KCNT2: variants seen among roughly 807,000 people sequenced by gnomAD.
KCNT2 encodes potassium sodium-activated channel subfamily T member 2.
KCNT2 carries 67 observed loss-of-function variants against 153.8 expected under a neutral mutation model. The observed-to-expected ratio is 0.44, with a 90% confidence interval of 0.36 to 0.53. The LOEUF is 0.53. KCNT2 is among the 20% of genes least tolerant of loss of function. The pLI is 0.00. For synonymous variants in KCNT2, 500 were observed against 458.8 expected, an observed-to-expected ratio of 1.09 and a Z score of -1.15; for missense variants, 975 against 1,354.8, an observed-to-expected ratio of 0.72 and a Z score of 4.40.
At chr1:196,275,833 A>G (rs1191279501) in intron 25 of KCNT2, among the ~76,000 whole-genome samples, 1 of 152,062 alleles carries the variant, frequency 6.6e-6, no homozygotes, top group Non-Finnish European at 1.5e-5. Context: ...AAATGTGTAT[A>G]TACTAAAGAA....
intron 8 of KCNT2, among the ~76,000 whole-genome samples, chr1:196,442,840 T>C (rs1675362528): frequency 6.6e-6 from 1 of 151,780 alleles, no homozygotes; most frequent in Non-Finnish European, 1.5e-5. Context: ...TGGAATATTT[T>C]AACAAGTATT....
chr1:196,348,250 G>T (rs777851073), intron 14 of KCNT2, among the ~76,000 whole-genome samples: 5 of 150,884 alleles, frequency 3.3e-5, no homozygotes, highest in Admixed American at 3.3e-4. Context: ...TGGACATGAA[G>T]TGAATTTAAT....
chr1:196,550,680 G>A (rs560326105), intron 1 of KCNT2, among the ~76,000 whole-genome samples: 3 of 151,878 alleles, frequency 2.0e-5, no homozygotes, highest in South Asian at 4.1e-4. Flanking sequence ...TCAGCCAGCA[G>A]ACACCAGAAA....
intron 1 of KCNT2, among the ~76,000 whole-genome samples, chr1:196,511,912 C>T (rs568423586): frequency 8.5e-5 from 13 of 152,202 alleles, no homozygotes; most frequent in Admixed American, 2.6e-4. Context: ...TAAATGTCAG[C>T]GGGTGGAGAG....
chr1:196,340,244 C>A, intron 16 of KCNT2, 97 bp downstream of exon 16: 2 of 772,876 alleles, frequency 2.6e-6, no homozygotes, highest in Non-Finnish European at 4.0e-6. Context: ...TTGAAATTTT[C>A]TTTAAACTTT....
chr1:196,425,346 C>G (rs1476617077), intron 11 of KCNT2, among the ~76,000 whole-genome samples: 1 of 151,968 alleles, frequency 6.6e-6, no homozygotes, highest in Non-Finnish European at 1.5e-5. Context: ...TCTGATTCCT[C>G]TAGTCCATGG....
chr1:196,250,725 T>C (rs981111277), intron 26 of KCNT2, among the ~76,000 whole-genome samples: 1 of 152,030 alleles, frequency 6.6e-6, no homozygotes, highest in African/African-American at 2.4e-5. Context: ...ACTGTGTATC[T>C]GACAAGTGAT....
At position 196,320,087 on chromosome 1, in the gene KCNT2, G is replaced by T. The variant is rs572747758; in HGVS notation, c.2277-532C>A. Among the ~76,000 whole-genome samples the T allele has an allele frequency of 2.3e-3, 349 of 151,574 alleles. 1 individual carries two copies. Among genetic ancestry groups the T allele is most frequent in the African/African-American group, 7.7e-3 (319 of 41,406 alleles). On this transcript the variant is annotated intron_variant, in intron 19 of 27. Coordinates refer to ENST00000294725, the MANE Select transcript of KCNT2 (RefSeq NM_198503.5). ...TAGTATATATGCTCATGCAAAATAT[G>T]TATTATATAAAATTATAGTGAAAGT...
At chr1:196,293,785 A>G (rs1328405747) in intron 22 of KCNT2, among the ~76,000 whole-genome samples, 1 of 152,052 alleles carries the variant, frequency 6.6e-6, no homozygotes, top group African/African-American at 2.4e-5. Flanking sequence ...ATTGTCTAGG[A>G]ACCCAAAAGC....
At chr1:196,389,716 C>T (rs1670305670) in intron 13 of KCNT2, among the ~76,000 whole-genome samples, 1 of 151,566 alleles carries the variant, frequency 6.6e-6, no homozygotes, top group South Asian at 2.1e-4. Flanking sequence ...GGAATCATTA[C>T]CCACAGAAAC....
At chr1:196,540,851 G>T (rs1656258951) in intron 1 of KCNT2, among the ~76,000 whole-genome samples, 2 of 152,106 alleles carry the variant, frequency 1.3e-5, no homozygotes, top group Non-Finnish European at 2.9e-5. Context: ...TGGATCATAA[G>T]GTCAGGAGAT....
At chr1:196,470,679 A>G (rs1224370971) in intron 5 of KCNT2, among the ~76,000 whole-genome samples, 2 of 152,114 alleles carry the variant, frequency 1.3e-5, no homozygotes, top group Admixed American at 1.3e-4. Context: ...GGCAACTTCA[A>G]CCCAGAAACT....
chr1:196,463,960 G>A (rs2148657779), intron 8 of KCNT2, among the ~76,000 whole-genome samples: 1 of 151,760 alleles, frequency 6.6e-6, no homozygotes, highest in East Asian at 1.9e-4. Context: ...ATTATCCTTT[G>A]TCTAAATTTA....
At chr1:196,456,038 A>G (rs1445928613) in intron 8 of KCNT2, among the ~76,000 whole-genome samples, 3 of 152,030 alleles carry the variant, frequency 2.0e-5, no homozygotes, top group Admixed American at 6.6e-5. Context: ...TCCTCACTCT[A>G]GTAACTTTAT....
intron 1 of KCNT2, among the ~76,000 whole-genome samples, chr1:196,513,872 A>T (rs1201325401): frequency 6.6e-6 from 1 of 152,242 alleles, no homozygotes; most frequent in Admixed American, 6.5e-5. Context: ...AATTCTAAAA[A>T]TATTTCTGTA....
At chr1:196,407,434 C>A (rs1293472845) in intron 12 of KCNT2, among the ~76,000 whole-genome samples, 1 of 151,366 alleles carries the variant, frequency 6.6e-6, no homozygotes, top group East Asian at 2.0e-4. Context: ...GTTTAAAATT[C>A]TGTGATTTTT....
At chr1:196,246,654 C>T (rs1464817319) in intron 26 of KCNT2, among the ~76,000 whole-genome samples, 1 of 151,996 alleles carries the variant, frequency 6.6e-6, no homozygotes, top group African/African-American at 2.4e-5. Context: ...GTTTTGGTTA[C>T]TTTTCTCTTT....
At chr1:196,475,727 A>T (rs1678475308) in intron 5 of KCNT2, among the ~76,000 whole-genome samples, 1 of 152,190 alleles carries the variant, frequency 6.6e-6, no homozygotes, top group Admixed American at 6.5e-5. Flanking sequence ...TAAAAAAATT[A>T]TCAAACACTC....
chr1:196,545,986 C>T (rs760766522), intron 1 of KCNT2, among the ~76,000 whole-genome samples: 6 of 151,974 alleles, frequency 3.9e-5, no homozygotes, highest in South Asian at 4.1e-4. Flanking sequence ...TAAATATTAA[C>T]GTACAAGCCT....
Sources: allele counts gnomAD v4.1 joint callset (sites outside exome capture counted in the v4.1 genomes callset), GRCh38; gene constraint gnomAD v4.1.1; transcripts MANE v1.5; gene names NCBI Gene and HGNC (gene_info 2026-07-23, HGNC 2026-07-21).